BICRAL: variants seen among roughly 807,000 people sequenced by gnomAD.
BICRAL encodes BICRA like chromatin remodeling complex associated protein, also known as BRD4-interacting chromatin-remodeling complex-associated protein-like.
A neutral mutation model predicts 91.8 loss-of-function variants in BICRAL; 8 were observed. That is an observed-to-expected ratio of 0.09 (90% CI 0.05 to 0.16). BICRAL has a LOEUF of 0.16. BICRAL is among the 10% of genes least tolerant of loss of function. The pLI, the probability that BICRAL is intolerant of heterozygous loss-of-function variation, is 1.00. For synonymous variants in BICRAL, 445 were observed against 491.1 expected, an observed-to-expected ratio of 0.91 and a Z score of 1.24; for missense variants, 1,038 against 1,310.9, an observed-to-expected ratio of 0.79 and a Z score of 3.21.
At chr6:42,805,641 A>G (rs1255394687) in intron 1 of BICRAL, among the ~76,000 whole-genome samples, 1 of 152,128 alleles carries the variant, frequency 6.6e-6, no homozygotes, top group Non-Finnish European at 1.5e-5. Flanking sequence ...TCATTGGTGA[A>G]CAGACACAAA....
chr6:42,859,762 C>G (rs1209440631), intron 10 of BICRAL, among the ~76,000 whole-genome samples: 3 of 152,062 alleles, frequency 2.0e-5, no homozygotes, highest in African/African-American at 7.2e-5. Context: ...CTGCCTCAGC[C>G]TCTCGAGTAG....
At chr6:42,814,235 GTT>G (rs531185819) in intron 2 of BICRAL, among the ~76,000 whole-genome samples, 7 of 104,958 alleles carry the variant, frequency 6.7e-5, no homozygotes, top group Non-Finnish European at 8.0e-5. Context: ...CTCTTGGTGG[GTT>G]TTTTTTTTTT....
intron 6 of BICRAL, among the ~76,000 whole-genome samples, chr6:42,837,365 G>C (rs1562486983): frequency 6.6e-6 from 1 of 152,084 alleles, no homozygotes; most frequent in African/African-American, 2.4e-5. Context: ...AGCAGGTTTT[G>C]ATACTATAAA....
chr6:42,850,521 C>CA lies in BICRAL; in HGVS notation c.1840-1560dup, dbSNP rs35580515. ...GGCAACGGAGCACGACTTCATCTTT[C>CA]AAAAAAAAAAACAAGAAAAAAACTC... On this transcript the variant is annotated intron_variant, in intron 6 of 12. Coordinates refer to ENST00000314073, the MANE Select transcript of BICRAL (RefSeq NM_001393499.1). Among the ~76,000 whole-genome samples, 1,202 of 135,126 alleles carry CA rather than the reference C, an allele frequency of 8.9e-3. 9 individuals carry two copies. Among genetic ancestry groups the CA allele is most frequent in the East Asian group, 0.024 (114 of 4,682 alleles). The allele number at this position is 135,126 out of a possible 152,430, so 88.6% of individuals were successfully genotyped here. A position where few individuals can be genotyped will look rare whatever the true frequency, so the allele number is the denominator to read the frequency against.
At position 42,864,901 on chromosome 6, in the gene BICRAL, T is replaced by G. The variant is rs1240817713; in HGVS notation, c.2695T>G (p.Cys899Gly). Residue 899 changes from cysteine to glycine, a missense_variant, in exon 13 of 13, where the codon TGC (cysteine) becomes GGC (glycine). Physicochemically the swap from Cys to Gly is radical, Grantham distance 159. This residue lies in a region of BICRAL where 294 missense variants were observed against 292.6 expected (regional missense o/e 1.00). Transcript: ENST00000314073. ...AEGNISKKTE[C>G]LGRALKFDKV... ...AGGAAACATTTCTAAAAAAACAGAA[T>G]GCCTTGGCAGAGCACTGAAATTTGA... 1 of 1,614,098 alleles carries G rather than the reference T, an allele frequency of 6.2e-7. No homozygotes were observed. Among genetic ancestry groups the G allele is most frequent in the East Asian group, 2.2e-5 (1 of 44,876 alleles).
chr6:42,820,831 G>A lies in BICRAL; in HGVS notation c.-5-1187G>A, dbSNP rs911132101. On this transcript the variant is annotated intron_variant, in intron 2 of 12. Transcript: ENST00000314073. ...GCATCTGAATGAATTCAGCCGCCAA[G>A]GGGAAGATCACTGGCAGATCCCAGT... Among the ~76,000 whole-genome samples, 3 of 152,146 alleles carry A rather than the reference G, an allele frequency of 2.0e-5. No individual in the cohort carries two copies. In the East Asian group the frequency reaches 5.8e-4, roughly 29 times the overall value.
chr6:42,848,598 C>CT (rs1435377792), intron 6 of BICRAL, among the ~76,000 whole-genome samples: 2 of 152,304 alleles, frequency 1.3e-5, no homozygotes, highest in South Asian at 2.1e-4. Context: ...TAACCCCGCA[C>CT]TTTAGGTGGC....
At chr6:42,748,453 T>A (rs1762326194) in intron 1 of BICRAL, among the ~76,000 whole-genome samples, 1 of 152,216 alleles carries the variant, frequency 6.6e-6, no homozygotes, top group South Asian at 2.1e-4. Context: ...GTTGGCTGTA[T>A]CCCAAGTGGA....
intron 1 of BICRAL, among the ~76,000 whole-genome samples, chr6:42,761,112 A>T (rs1343528898): frequency 1.3e-5 from 2 of 152,164 alleles, no homozygotes; most frequent in African/African-American, 4.8e-5. Context: ...GTCTCTTCCT[A>T]TCAGTGAGAT....
intron 2 of BICRAL, among the ~76,000 whole-genome samples, chr6:42,814,621 A>G (rs1057466555): frequency 6.7e-6 from 1 of 148,880 alleles, no homozygotes; most frequent in African/African-American, 2.5e-5. Flanking sequence ...TCCCAGGTTC[A>G]AGCGATTCTC....
chr6:42,829,667 A>C lies in BICRAL; in HGVS notation c.1334A>C (p.Asn445Thr). The C allele has an allele frequency of 6.2e-7, 1 of 1,614,204 alleles. No homozygotes were observed. The stretch of plus-strand genomic sequence containing the variant: ...GTGGCCTCAGAGCATGTCATGTTGA[A>C]CAGAAACTCTTCCAACATGCTCAGG... ...GQVASEHVML[N>T]RNSSNMLRTN... Residue 445 changes from asparagine (N) to threonine (T), a missense_variant, in exon 6 of 13, where the codon AAC becomes ACC. Physicochemically the swap from Asn to Thr is moderately conservative, Grantham distance 65. Transcript: ENST00000314073.
At chr6:42,770,105 C>T (rs902549935) in intron 1 of BICRAL, among the ~76,000 whole-genome samples, 2 of 152,168 alleles carry the variant, frequency 1.3e-5, no homozygotes, top group Non-Finnish European at 2.9e-5. Context: ...TTGCCAAATA[C>T]ACTCTCTTAG....
intron 1 of BICRAL, among the ~76,000 whole-genome samples, chr6:42,795,462 A>G (rs1220402479): frequency 1.3e-5 from 2 of 152,196 alleles, no homozygotes; most frequent in Admixed American, 1.3e-4. Context: ...TATAAATAAA[A>G]TGTGACATAA....
intron 2 of BICRAL, among the ~76,000 whole-genome samples, chr6:42,820,903 C>T (rs1764119398): frequency 6.6e-6 from 1 of 152,202 alleles, no homozygotes; most frequent in Non-Finnish European, 1.5e-5. Context: ...AGCAAGTTAC[C>T]TTCCATGTAG....
chr6:42,852,133 T>C lies in BICRAL; in HGVS notation c.1881T>C (p.Ala627=). ...KCLNQTSPIS[A]PKTTDGLRQA... is the part of the protein sequence containing the mutation. ...TGAATCAGACTTCCCCCATTTCTGC[T>C]CCCAAGACCACAGACGGCCTGAGGC... The change falls in exon 7 of 13, where the codon GCT becomes GCC. Residue 627 remains alanine (A), a synonymous_variant. Transcript: ENST00000314073. The C allele has an allele frequency of 1.2e-6, 2 of 1,613,326 alleles. No homozygotes were observed. Among genetic ancestry groups the C allele is most frequent in the Middle Eastern group, 1.7e-4 (1 of 6,060 alleles).
chr6:42,789,037 G>T (rs1039269489), intron 1 of BICRAL, among the ~76,000 whole-genome samples: 11 of 152,214 alleles, frequency 7.2e-5, no homozygotes, highest in African/African-American at 2.7e-4. Flanking sequence ...TTGCAAGGGG[G>T]TGATTTTGAT....
intron 1 of BICRAL, among the ~76,000 whole-genome samples, chr6:42,807,258 A>G (rs1318562457): frequency 6.6e-6 from 1 of 151,848 alleles, no homozygotes; most frequent in Non-Finnish European, 1.5e-5. Context: ...ATCTAGGCTC[A>G]CTGCAAGCTC....
intron 6 of BICRAL, among the ~76,000 whole-genome samples, chr6:42,840,484 G>A (rs1007878065): frequency 4.6e-5 from 7 of 151,356 alleles, no homozygotes; most frequent in Admixed American, 1.3e-4. Context: ...CTCGTGATCC[G>A]CCTGCCTCGG....
chr6:42,788,521 C>A (rs975795197), intron 1 of BICRAL, among the ~76,000 whole-genome samples: 3 of 151,648 alleles, frequency 2.0e-5, no homozygotes, highest in Non-Finnish European at 2.9e-5. Flanking sequence ...CATGCCTGGC[C>A]GGGAGCAGCA....
Sources: gnomAD v4.1 joint callset for allele counts (sites outside exome capture counted in the v4.1 genomes callset) on GRCh38, gnomAD v4.1.1 for gene constraint, gnomAD v4.1.1 regional missense constraint, MANE v1.5 for transcripts, NCBI Gene and HGNC (gene_info 2026-07-23, HGNC 2026-07-21) for gene names.